The following PLEKHA8 variants were observed in gnomAD, a reference collection of about 807,000 sequenced individuals.
PLEKHA8 encodes the protein pleckstrin homology domain-containing family A member 8.
PLEKHA8 carries 36 observed loss-of-function variants against 68.2 expected under a neutral mutation model. The observed-to-expected ratio is 0.53, with a 90% CI of 0.40 to 0.70. PLEKHA8 has a LOEUF of 0.70. Ranked by LOEUF, PLEKHA8 falls within the 30% of genes least tolerant of loss-of-function variation. The probability of loss-of-function intolerance (pLI) is 0.00; values close to 1 mark genes in which losing one functional copy is unlikely to be tolerated. For synonymous variants in PLEKHA8, 211 were observed against 216.1 expected, an observed-to-expected ratio of 0.98 and a Z score of 0.20; for missense variants, 505 against 615.4, an observed-to-expected ratio of 0.82 and a Z score of 1.90.
At chr7:30,074,004 A>G (rs1794439230) in intron 12 of PLEKHA8, 67 bp from the exon 13 acceptor site, 4 of 1,347,208 alleles carry the variant, frequency 3.0e-6, no homozygotes, top group Non-Finnish European at 4.1e-6. Flanking sequence ...AAAAAAAAGT[A>G]CATTATACAA....
chr7:30,117,432 C>T (rs1206909169), intron 13 of PLEKHA8, among the ~76,000 whole-genome samples: 3 of 152,062 alleles, frequency 2.0e-5, no homozygotes, highest in Non-Finnish European at 2.9e-5. Context: ...GGGCCAGGCA[C>T]GATGGTTCCT....
At chr7:30,030,701 A>G (rs1790594511) in intron 1 of PLEKHA8, among the ~76,000 whole-genome samples, 1 of 152,222 alleles carries the variant, frequency 6.6e-6, no homozygotes. Flanking sequence ...TTTTCCAGAT[A>G]TACATAGAAT....
At chr7:30,054,888 A>T (rs1029657297) in intron 8 of PLEKHA8, 23 bp downstream of exon 8, 1 of 1,566,904 alleles carries the variant, frequency 6.4e-7, no homozygotes, top group African/African-American at 1.4e-5. Context: ...CTTTAATATC[A>T]CTGATGCTTG....
chr7:30,115,825 C>A, intron 13 of PLEKHA8: 1 of 141,464 alleles, frequency 7.1e-6, no homozygotes, highest in South Asian at 2.1e-4. Flanking sequence ...TGTATACATG[C>A]GTGCACATAC....
At chr7:30,053,414 G>T (rs1792577585) in intron 7 of PLEKHA8, among the ~76,000 whole-genome samples, 1 of 152,080 alleles carries the variant, frequency 6.6e-6, no homozygotes, top group Admixed American at 6.6e-5. Flanking sequence ...GCTTTTAATT[G>T]TGTTATAAGA....
At position 30,079,676 on chromosome 7, in the gene PLEKHA8, C is replaced by T; in HGVS notation, c.*889C>T. 2.2e-6 allele frequency: 1 copy of T among 459,560 alleles called. No individual in the cohort carries two copies. The highest frequency in any genetic ancestry group is 2.9e-6 in the Non-Finnish European group (1 of 349,398). 28.5% of individuals were successfully genotyped at this position (459,560 alleles called of 1,614,324 possible). A position where few individuals can be genotyped will look rare whatever the true frequency, so the allele number is the denominator to read the frequency against. ...GAGCCAGATAATTTCCAAGTGTGAC[C>T]TGGACTGCCTCTGCATCAAAGTCAT... is the stretch of plus-strand genomic sequence containing the variant. On this transcript the variant is annotated 3_prime_UTR_variant, in exon 14 of 14. Coordinates refer to ENST00000449726, the MANE Select transcript of PLEKHA8 (RefSeq NM_001197026.2).
chr7:30,069,327 C>T (rs148398708), intron 12 of PLEKHA8, among the ~76,000 whole-genome samples: 13 of 152,316 alleles, frequency 8.5e-5, no homozygotes, highest in Non-Finnish European at 1.6e-4. Context: ...TGAGTAATTC[C>T]GCCCTTTCTG....
In PLEKHA8 at chr7:30,081,506, C is replaced by A; in HGVS notation, c.*2719C>A. The A allele has an allele frequency of 1.0e-6, 1 of 985,276 alleles. No homozygotes were observed. Among genetic ancestry groups the A allele is most frequent in the South Asian group, 4.7e-5 (1 of 21,282 alleles). 61.0% of individuals were successfully genotyped at this position (985,276 alleles called of 1,614,324 possible). On this transcript the variant is annotated 3_prime_UTR_variant, in exon 14 of 14. Coordinates refer to ENST00000449726, the MANE Select transcript of PLEKHA8 (RefSeq NM_001197026.2). ...GTCATAATTTGCGCTGATGTGTAATCACTTTCCAAGAAGAGGGCAATGAGA... is the reference window on the plus strand; with the variant it reads ...GTCATAATTTGCGCTGATGTGTAATAACTTTCCAAGAAGAGGGCAATGAGA...
chr7:30,093,515 C>T (rs1795494567), downstream of PLEKHA8, among the ~76,000 whole-genome samples: 1 of 152,186 alleles, frequency 6.6e-6, no homozygotes, highest in African/African-American at 2.4e-5. Context: ...AATCAGACCA[C>T]GGGTCAAATC....
chr7:30,113,511 G>A (rs1796335393), intron 13 of PLEKHA8, among the ~76,000 whole-genome samples: 1 of 152,022 alleles, frequency 6.6e-6, no homozygotes, highest in Admixed American at 6.6e-5. Flanking sequence ...ACTTTGTTTT[G>A]TGGTCTGCAG....
chr7:30,069,385 A>G lies in PLEKHA8; in HGVS notation c.1301-4686A>G, dbSNP rs546519036. Among the ~76,000 whole-genome samples, 4 of 152,298 alleles carry G rather than the reference A, an allele frequency of 2.6e-5. No individual in the cohort carries two copies. The East Asian group carries it at 5.8e-4, about 22-fold the overall frequency. On this transcript the variant is annotated intron_variant, in intron 12 of 13. Transcript: ENST00000449726. ...GCTTTCTCTTAAGACTTAGATTGACATTTCTCTCGTCTTCTCTATAAGCCA... is the reference window on the plus strand; with the variant it reads ...GCTTTCTCTTAAGACTTAGATTGACGTTTCTCTCGTCTTCTCTATAAGCCA...
intron 3 of PLEKHA8, 54 bp from the exon 4 acceptor site, chr7:30,047,778 T>G: frequency 6.5e-7 from 1 of 1,536,282 alleles, no homozygotes; most frequent in South Asian, 1.2e-5. Context: ...GTATCCTAAC[T>G]AGTAAATCAG....
At position 30,082,755 on chromosome 7, in the gene PLEKHA8, T is replaced by C; in HGVS notation, c.*3968T>C. 1 of 985,364 alleles carries C rather than the reference T, an allele frequency of 1.0e-6. No individual in the cohort carries two copies. 61.0% of individuals were successfully genotyped at this position (985,364 alleles called of 1,614,324 possible). Reference sequence around the variant, plus strand: ...GAGGAGCCAAAGTAAGAGATTTTTTTTTAAGGAAACTTAATCTGATTGTGA... The same window carrying C: ...GAGGAGCCAAAGTAAGAGATTTTTTCTTAAGGAAACTTAATCTGATTGTGA... On this transcript the variant is annotated 3_prime_UTR_variant, in exon 14 of 14. Coordinates refer to ENST00000449726, the MANE Select transcript of PLEKHA8 (RefSeq NM_001197026.2).
At chr7:30,062,402 A>G (rs188470828) in intron 11 of PLEKHA8, among the ~76,000 whole-genome samples, 4 of 152,312 alleles carry the variant, frequency 2.6e-5, no homozygotes, top group Admixed American at 2.6e-4. Context: ...CATTTCTAGC[A>G]AATTCCCAGG....
intron 13 of PLEKHA8, among the ~76,000 whole-genome samples, chr7:30,108,082 A>ACAAAAAAAAAAC (rs1396927715): frequency 6.6e-6 from 1 of 151,286 alleles, no homozygotes; most frequent in African/African-American, 2.4e-5. Context: ...AAAAAAAAAA[A>ACAAAAAAAAAAC]AAAAAAAAAA....
At chr7:30,121,787 G>T (rs1796701812) in intron 13 of PLEKHA8, among the ~76,000 whole-genome samples, 1 of 152,202 alleles carries the variant, frequency 6.6e-6, no homozygotes, top group Admixed American at 6.5e-5. Context: ...CAGGGTCAAA[G>T]ATCCAAAACT....
chr7:30,044,147 C>T (rs1360317504), intron 1 of PLEKHA8, among the ~76,000 whole-genome samples: 2 of 151,254 alleles, frequency 1.3e-5, no homozygotes, highest in Non-Finnish European at 2.9e-5. Flanking sequence ...GCTGGGATTA[C>T]AGGCACTTGC....
At chr7:30,070,778 T>C (rs1794185527) in intron 12 of PLEKHA8, among the ~76,000 whole-genome samples, 1 of 152,156 alleles carries the variant, frequency 6.6e-6, no homozygotes, top group Non-Finnish European at 1.5e-5. Context: ...GCTCCCAACC[T>C]TGTGATCCAC....
At chr7:30,101,706 AAT>A (rs1436870115) in intron 13 of PLEKHA8, among the ~76,000 whole-genome samples, 1 of 152,206 alleles carries the variant, frequency 6.6e-6, no homozygotes, top group African/African-American at 2.4e-5. Flanking sequence ...AATTTAATAA[AAT>A]ATGTGCAAAA....
Sources: allele counts gnomAD v4.1 joint callset (sites outside exome capture counted in the v4.1 genomes callset), GRCh38; gene constraint gnomAD v4.1.1; transcripts MANE v1.5; gene names NCBI Gene and HGNC (gene_info 2026-07-23, HGNC 2026-07-21).